MYO5B: variants seen among roughly 807,000 people sequenced by gnomAD.
MYO5B encodes myosin VB.
In MYO5B, 143 loss-of-function variants were observed where a neutral mutation model predicts 229.3. The ratio of observed to expected loss-of-function variants is 0.62; its 90% CI spans 0.54 to 0.72. The LOEUF (loss-of-function observed/expected upper bound fraction) is 0.72, where lower values mean the gene tolerates loss of function less well. Among genes scored for constraint, MYO5B ranks in the 30% least tolerant of loss-of-function variants. The pLI, the probability that MYO5B is intolerant of heterozygous loss-of-function variation, is 0.00. For missense variants in MYO5B, 2,321 were observed against 2,331.0 expected, an observed-to-expected ratio of 1.00 and a Z score of 0.09; for synonymous variants, 918 against 885.2, an observed-to-expected ratio of 1.04 and a Z score of -0.66.
Position 49,894,959 on chromosome 18 carries a change from C to T in MYO5B, c.3027G>A (p.Glu1009=). 6.2e-7 allele frequency: 1 copy of T among 1,613,292 alleles called. No individual in the cohort carries two copies. Among genetic ancestry groups the T allele is most frequent in the Non-Finnish European group, 8.5e-7 (1 of 1,180,038 alleles). Residue 1009 remains glutamate (E), a synonymous_variant, in exon 22 of 40, where the codon GAG becomes GAA. Transcript: ENST00000285039. ...RKILEDAHSR[E]KDELRKRVAD... Reference sequence around the variant, plus strand: ...AGCATACCTTCCTCAGCTCATCTTTCTCCCTGCTGTGGGCGTCCTCCAAGA... The same window carrying T: ...AGCATACCTTCCTCAGCTCATCTTTTTCCCTGCTGTGGGCGTCCTCCAAGA...
chr18:49,916,068 C>A lies in MYO5B; in HGVS notation c.2091-3895G>T, dbSNP rs555120273. ...GGGCTCCCCCTTTAAAGCTGCCCTG[C>A]CCTTTCCTTCCGTGTGTCTGAGGGC... On this transcript the variant is annotated intron_variant, in intron 17 of 39. Transcript: ENST00000285039. 4.6e-5 allele frequency among the ~76,000 whole-genome samples: 7 copies of A among 152,354 alleles called. 1 individual carries two copies. Among genetic ancestry groups the A allele is most frequent in the African/African-American group, 1.7e-4 (7 of 41,576 alleles).
At chr18:49,987,413 C>G (rs1006561994) in intron 7 of MYO5B, among the ~76,000 whole-genome samples, 1 of 152,164 alleles carries the variant, frequency 6.6e-6, no homozygotes, top group Non-Finnish European at 1.5e-5. Context: ...TGGATCGCAG[C>G]CCTCCTTTCA....
intron 17 of MYO5B, among the ~76,000 whole-genome samples, chr18:49,922,523 A>T (rs1224432824): frequency 6.6e-6 from 1 of 152,198 alleles, no homozygotes; most frequent in Admixed American, 6.5e-5. Context: ...CTGCAGCTCA[A>T]TACAGTACTA....
At chr18:49,936,402 G>C (rs1365155039) in intron 15 of MYO5B, 53 bp from the exon 16 acceptor site, 16 of 1,336,514 alleles carry the variant, frequency 1.2e-5, no homozygotes, top group Non-Finnish European at 1.6e-5. Flanking sequence ...GTGGATGTGT[G>C]ATAAAGAAAA....
chr18:50,083,227 C>A (rs1471682526), intron 1 of MYO5B, among the ~76,000 whole-genome samples: 1 of 152,206 alleles, frequency 6.6e-6, no homozygotes, highest in Non-Finnish European at 1.5e-5. Flanking sequence ...ACCACCCTCC[C>A]AGCACCTCAA....
Position 49,968,069 on chromosome 18 carries a change from G to A in MYO5B, c.1323-5039C>T, listed in dbSNP as rs1474144142. ...CTAACAGCCAACTGTCCCAAACTAT[G>A]AAGGCTGTAAAGATGAGCAAGTCAC... On this transcript the variant is annotated intron_variant, in intron 10 of 39. Coordinates refer to ENST00000285039, the MANE Select transcript of MYO5B (RefSeq NM_001080467.3). Among the ~76,000 whole-genome samples the A allele has an allele frequency of 2.0e-5, 3 of 152,288 alleles. No individual in the cohort carries two copies. The East Asian group carries it at 5.8e-4, about 29-fold the overall frequency.
chr18:50,003,470 G>A (rs572426266), intron 4 of MYO5B, among the ~76,000 whole-genome samples: 2 of 152,160 alleles, frequency 1.3e-5, no homozygotes, highest in Non-Finnish European at 1.5e-5. Context: ...GCCTGGGGAT[G>A]TTTGTATCGC....
Position 49,834,162 on chromosome 18 carries a change from T to G in MYO5B, c.5394+1182A>C, listed in dbSNP as rs192948184. 4.0e-3 allele frequency among the ~76,000 whole-genome samples: 615 copies of G among 152,226 alleles called. 14 individuals carry two copies. The highest frequency in any genetic ancestry group is 0.035 in the Admixed American group (532 of 15,290). On this transcript the variant is annotated intron_variant, in intron 39 of 39. Transcript: ENST00000285039. The stretch of plus-strand genomic sequence containing the variant: ...TCTACATTGAAACACTGTAAGGAGC[T>G]CCAAATAAAATCCCAGGAGTATTCC...
Position 49,858,752 on chromosome 18 carries a change from A to G in MYO5B, c.3945-1862T>C, listed in dbSNP as rs895325353. ...CTATTGACAAAGATAAAAGTAGAGAACTGTGCAGCCCAGGCAGCCCACAGT... is the reference window on the plus strand; with the variant it reads ...CTATTGACAAAGATAAAAGTAGAGAGCTGTGCAGCCCAGGCAGCCCACAGT... On this transcript the variant is annotated intron_variant, in intron 29 of 39. Transcript: ENST00000285039. 3.9e-5 allele frequency among the ~76,000 whole-genome samples: 6 copies of G among 152,300 alleles called. No individual in the cohort carries two copies. The South Asian group carries it at 1.2e-3, about 32-fold the overall frequency.
intron 17 of MYO5B, among the ~76,000 whole-genome samples, chr18:49,919,340 GC>G (rs1479963014): frequency 1.3e-5 from 2 of 151,998 alleles, no homozygotes; most frequent in Non-Finnish European, 2.9e-5. Context: ...AAAATTAAAA[GC>G]TTTTGTGCTT....
At chr18:49,869,050 G>T (rs775784965) in intron 27 of MYO5B, among the ~76,000 whole-genome samples, 12 of 152,130 alleles carry the variant, frequency 7.9e-5, no homozygotes, top group African/African-American at 2.4e-5. Context: ...AATCCAACTG[G>T]CTAAGGATCA....
intron 19 of MYO5B, 21 bp from the exon 20 acceptor site, chr18:49,904,849 G>C (rs767273238): frequency 6.2e-7 from 1 of 1,612,378 alleles, no homozygotes; most frequent in South Asian, 1.1e-5. Context: ...AGAGGAAACA[G>C]GCAGTGTCAG....
At chr18:50,140,849 G>A (rs1446363758) in intron 1 of MYO5B, among the ~76,000 whole-genome samples, 1 of 152,232 alleles carries the variant, frequency 6.6e-6, no homozygotes, top group Non-Finnish European at 1.5e-5. Flanking sequence ...ATGGTACAGT[G>A]TTTAGTTTAG....
At chr18:49,872,803 CG>C (rs551110299) in intron 26 of MYO5B, among the ~76,000 whole-genome samples, 80 of 152,104 alleles carry the variant, frequency 5.3e-4, no homozygotes, top group African/African-American at 1.7e-3. Flanking sequence ...CAAGAGAAGA[CG>C]GGCTGTCAAC....
intron 10 of MYO5B, among the ~76,000 whole-genome samples, chr18:49,971,126 A>G (rs1432451307): frequency 6.6e-6 from 1 of 152,190 alleles, no homozygotes; most frequent in Non-Finnish European, 1.5e-5. Context: ...AGAAAACTCA[A>G]AAACTAAACA....
At chr18:50,068,355 A>G (rs1211840125) in intron 1 of MYO5B, among the ~76,000 whole-genome samples, 2 of 152,178 alleles carry the variant, frequency 1.3e-5, no homozygotes, top group Non-Finnish European at 2.9e-5. Flanking sequence ...TCCACCACTT[A>G]GGTGTCAAAA....
At position 49,830,987 on chromosome 18, in the gene MYO5B, A is replaced by AAC. The variant is rs557808058; in HGVS notation, c.5394+4356_5394+4357insGT. 3.6e-3 allele frequency among the ~76,000 whole-genome samples: 540 copies of AAC among 151,258 alleles called. 3 individuals are homozygous for AAC. The highest frequency in any genetic ancestry group is 0.012 in the African/African-American group (484 of 41,354). ...ATATAAGGGCCCAGAAAAAAAAAAA[A>AAC]CCCTCATATTTTTGGTCAATTGATT... On this transcript the variant is annotated intron_variant, in intron 39 of 39. Coordinates refer to ENST00000285039, the MANE Select transcript of MYO5B (RefSeq NM_001080467.3).
chr18:49,963,006 G>A lies in MYO5B; in HGVS notation c.1347C>T (p.Ser449=). The change falls in exon 11 of 40, where the codon AGC becomes AGT. Residue 449 remains serine (S), a synonymous_variant. Transcript: ENST00000285039. ...CATAGTTGATACAGAACTGCTCAAAGCTGTTTACCTCAAATGTCTCAAACC... is the reference window on the plus strand; with the variant it reads ...CATAGTTGATACAGAACTGCTCAAAACTGTTTACCTCAAATGTCTCAAACC... The part of the protein sequence containing the change: ...IYGFETFEVN[S]FEQFCINYAN... The A allele has an allele frequency of 6.2e-7, 1 of 1,614,020 alleles. No individual in the cohort carries two copies. The highest frequency in any genetic ancestry group is 8.5e-7 in the Non-Finnish European group (1 of 1,179,918).
At chr18:49,959,484 G>C (rs1456984298) in intron 12 of MYO5B, among the ~76,000 whole-genome samples, 1 of 152,200 alleles carries the variant, frequency 6.6e-6, no homozygotes, top group Non-Finnish European at 1.5e-5. Flanking sequence ...CTGACAGCAG[G>C]CTGGGCCAGG....
Sources: gnomAD v4.1 joint callset for allele counts (sites outside exome capture counted in the v4.1 genomes callset) on GRCh38, gnomAD v4.1.1 for gene constraint, MANE v1.5 for transcripts, NCBI Gene and HGNC (gene_info 2026-07-23, HGNC 2026-07-21) for gene names.